Variants in ARHGAP29 observed in about 807,000 individuals in gnomAD.
ARHGAP29 encodes the protein Rho GTPase activating protein 29, also known as rho GTPase-activating protein 29.
Under a neutral mutation model 122.6 loss-of-function variants are expected in ARHGAP29, and 43 were observed. The ratio of observed to expected loss-of-function variants is 0.35; its 90% CI spans 0.27 to 0.45. The LOEUF (loss-of-function observed/expected upper bound fraction) is 0.45. ARHGAP29 is among the 20% of genes least tolerant of loss of function. The pLI is 1.00. For missense variants in ARHGAP29, 1,303 were observed against 1,477.2 expected (o/e 0.88, Z 1.93); for synonymous variants, 506 against 497.1 (o/e 1.02, Z -0.24).
chr1:94,251,327 G>A (rs963981355), intron 1 of ARHGAP29, among the ~76,000 whole-genome samples: 6 of 151,794 alleles, frequency 4.0e-5, no homozygotes, highest in East Asian at 1.9e-4. Context: ...CCACCACCAC[G>A]CCCGGCTAAT....
At chr1:94,214,473 TCTC>T (rs1651837394) in intron 3 of ARHGAP29, among the ~76,000 whole-genome samples, 1 of 152,222 alleles carries the variant, frequency 6.6e-6, no homozygotes, top group Non-Finnish European at 1.5e-5. Context: ...ATATATTTCT[TCTC>T]CTACTTTCCA....
At position 94,231,532 on chromosome 1, in the gene ARHGAP29, G is replaced by A. The variant is rs1318576238; in HGVS notation, c.80C>T (p.Ser27Phe). ...SGQLSTDITT[S>F]EMGLKSLSSN... Reference sequence around the variant, plus strand: ...ACTTAAGGACTTGAGCCCCATTTCAGAAGTTGTAATATCAGTAGAGAGTTG... The same window carrying A: ...ACTTAAGGACTTGAGCCCCATTTCAAAAGTTGTAATATCAGTAGAGAGTTG... The change falls in exon 2 of 23, where the codon TCT (serine) becomes TTT (phenylalanine). Residue 27 changes from serine (S) to phenylalanine (F), a missense_variant. By Grantham distance (155) the Ser-to-Phe change is radical (BLOSUM62 -2). Coordinates refer to ENST00000260526, the MANE Select transcript of ARHGAP29 (RefSeq NM_004815.4). 6.2e-7 allele frequency: 1 copy of A among 1,613,688 alleles called. No homozygotes were observed. Among genetic ancestry groups the A allele is most frequent in the African/African-American group, 1.3e-5 (1 of 74,922 alleles).
chr1:94,272,794 G>C (rs2100735507), intron 1 of ARHGAP29, among the ~76,000 whole-genome samples: 1 of 152,220 alleles, frequency 6.6e-6, no homozygotes, highest in Non-Finnish European at 1.5e-5. Flanking sequence ...CCTTGCCCCT[G>C]TATCCTTCAT....
the ARHGAP29 span, among the ~76,000 whole-genome samples, chr1:94,303,392 G>A: frequency 6.6e-6 from 1 of 152,170 alleles, no homozygotes; most frequent in Non-Finnish European, 1.5e-5. Flanking sequence ...GTGAAATGGT[G>A]GTGCTAGGGG....
intron 1 of ARHGAP29, among the ~76,000 whole-genome samples, chr1:94,265,724 G>C (rs546689830): frequency 6.6e-6 from 1 of 152,308 alleles, no homozygotes; most frequent in Admixed American, 6.5e-5. Flanking sequence ...CTGCTCCCCA[G>C]ACTCCAGTGA....
chr1:94,280,965 C>T, the ARHGAP29 span, among the ~76,000 whole-genome samples: 2 of 152,198 alleles, frequency 1.3e-5, no homozygotes, highest in African/African-American at 4.8e-5. Flanking sequence ...TCTCTGCCAT[C>T]AATCCTGAAT....
the ARHGAP29 span, among the ~76,000 whole-genome samples, chr1:94,304,413 A>G: frequency 2.6e-5 from 4 of 152,332 alleles, no homozygotes; most frequent in African/African-American, 7.2e-5. Context: ...ATGCTGGGAT[A>G]ACAGGCGCGA....
At chr1:94,176,109 A>G (rs1649073959) in intron 22 of ARHGAP29, among the ~76,000 whole-genome samples, 1 of 152,128 alleles carries the variant, frequency 6.6e-6, no homozygotes, top group African/African-American at 2.4e-5. Flanking sequence ...ATATTCTTAA[A>G]TTTCTGAGGG....
At chr1:94,187,135 G>A (rs1649855889) in intron 15 of ARHGAP29, among the ~76,000 whole-genome samples, 1 of 152,186 alleles carries the variant, frequency 6.6e-6, no homozygotes, top group South Asian at 2.1e-4. Context: ...CTGGCAGGGA[G>A]CTGAGACCAC....
At chr1:94,244,232 CAA>C (rs71588516) in intron 1 of ARHGAP29, among the ~76,000 whole-genome samples, 38,095 of 148,226 alleles carry the variant, frequency 0.26, 5,206 homozygotes, top group East Asian at 0.31. Context: ...ACAAAAAAAA[CAA>C]AAACACACAC....
chr1:94,265,101 G>A (rs140624648), intron 1 of ARHGAP29, among the ~76,000 whole-genome samples: 1,912 of 152,316 alleles, frequency 0.013, 17 homozygotes, highest in Non-Finnish European at 0.02. Context: ...GCATCTTAAC[G>A]AACTCTATTC....
chr1:94,302,113 G>T, the ARHGAP29 span: 12 of 278,652 alleles, frequency 4.3e-5, no homozygotes, highest in Non-Finnish European at 8.4e-5. Flanking sequence ...TTTTAACTCT[G>T]GCAAAGTGGA....
At chr1:94,242,675 AAAAC>A (rs1228480088) in intron 1 of ARHGAP29, among the ~76,000 whole-genome samples, 1 of 151,758 alleles carries the variant, frequency 6.6e-6, no homozygotes, top group Admixed American at 6.6e-5. Context: ...AACAAATAAA[AAAAC>A]AAACAGCAAA....
chr1:94,217,474 C>CG (rs1652017247), intron 3 of ARHGAP29, among the ~76,000 whole-genome samples: 1 of 149,746 alleles, frequency 6.7e-6, no homozygotes, highest in East Asian at 2.0e-4. Flanking sequence ...GCTGAGGCTG[C>CG]AGTGAGCCGA....
chr1:94,223,865 C>A (rs528416351), intron 2 of ARHGAP29, among the ~76,000 whole-genome samples: 3 of 151,156 alleles, frequency 2.0e-5, no homozygotes, highest in Non-Finnish European at 4.4e-5. Context: ...TAGAATGCCA[C>A]GGTGCAATCT....
intron 19 of ARHGAP29, among the ~76,000 whole-genome samples, chr1:94,182,558 A>T (rs1415829666): frequency 6.6e-6 from 1 of 152,172 alleles, no homozygotes; most frequent in African/African-American, 2.4e-5. Context: ...TTTCAGAGAC[A>T]AAATCATAGG....
intron 2 of ARHGAP29, among the ~76,000 whole-genome samples, chr1:94,223,220 A>G (rs1652422581): frequency 6.6e-6 from 1 of 152,220 alleles, no homozygotes; most frequent in Non-Finnish European, 1.5e-5. Flanking sequence ...CTGGGATTAC[A>G]GGCGTGAGCC....
At chr1:94,213,003 T>C (rs1651738334) in intron 3 of ARHGAP29, among the ~76,000 whole-genome samples, 1 of 152,158 alleles carries the variant, frequency 6.6e-6, no homozygotes, top group South Asian at 2.1e-4. Flanking sequence ...AAAATGTTCA[T>C]TTTGCCATAT....
At chr1:94,249,811 A>T (rs1654013398) in intron 1 of ARHGAP29, among the ~76,000 whole-genome samples, 1 of 152,010 alleles carries the variant, frequency 6.6e-6, no homozygotes, top group Non-Finnish European at 1.5e-5. Flanking sequence ...TACATAGGAT[A>T]CTATTCTTGT....
Sources: allele counts gnomAD v4.1 joint callset (sites outside exome capture counted in the v4.1 genomes callset), GRCh38; gene constraint gnomAD v4.1.1; transcripts MANE v1.5; gene names NCBI Gene and HGNC (gene_info 2026-07-23, HGNC 2026-07-21).